Variants in PLD5 observed in about 807,000 individuals in gnomAD.
The protein encoded by PLD5 is inactive phospholipase D5.
A neutral mutation model predicts 61.1 loss-of-function variants in PLD5; 36 were observed. The ratio of observed to expected loss-of-function variants is 0.59; its 90% CI spans 0.45 to 0.78. The LOEUF (loss-of-function observed/expected upper bound fraction) is 0.78. Among genes scored for constraint, PLD5 ranks in the 30% least tolerant of loss-of-function variants. The pLI, the probability that PLD5 is intolerant of heterozygous loss-of-function variation, is 0.00. For synonymous variants in PLD5, 243 were observed against 242.8 expected (o/e 1.00, Z -0.01); for missense variants, 515 against 644.4 (o/e 0.80, Z 2.17).
chr1:242,407,418 T>C (rs1664291794), intron 1 of PLD5, among the ~76,000 whole-genome samples: 1 of 152,190 alleles, frequency 6.6e-6, no homozygotes, highest in African/African-American at 2.4e-5. Context: ...TCTATTATAG[T>C]CTATACAAAA....
intron 5 of PLD5, among the ~76,000 whole-genome samples, chr1:242,130,307 C>T (rs1320414621): frequency 6.6e-6 from 1 of 152,184 alleles, no homozygotes; most frequent in African/African-American, 2.4e-5. Context: ...CCGCCTTGGC[C>T]TCCCAAAGTG....
chr1:242,298,916 T>G (rs1326172386), intron 2 of PLD5, among the ~76,000 whole-genome samples: 1 of 152,040 alleles, frequency 6.6e-6, no homozygotes, highest in Non-Finnish European at 1.5e-5. Flanking sequence ...TGCACCTACC[T>G]GTTGATATTT....
In PLD5 at chr1:242,348,213, G is replaced by C; in HGVS notation, c.219C>G (p.Ala73=). ...HSQQKCIVIF[A]LVCCFAILVA... ...CCAGAATGGCAAAGCAGCACACCAG[G>C]GCAAAGATCACGATGCACTTCTGCT... The change falls in exon 2 of 10, where the codon GCC becomes GCG. Residue 73 remains alanine, a synonymous_variant. Transcript: ENST00000536534. 8.1e-6 allele frequency: 13 copies of C among 1,611,784 alleles called. No homozygotes were observed. Among genetic ancestry groups the C allele is most frequent in the Middle Eastern group, 1.7e-4 (1 of 6,060 alleles).
Position 242,113,989 on chromosome 1 carries a change from A to C in PLD5, c.971T>G (p.Phe324Cys). ...CACACTGTAGATGGCATCTATGTCA[A>C]AACTTCTGTTTTTAGGGCAAAAGAG... is the stretch of plus-strand genomic sequence containing the variant. ...PKLFCPKNRS[F>C]DIDAIYSVID... is the part of the protein sequence containing the mutation. The change falls in exon 7 of 10, where the codon TTT becomes TGT. Residue 324 changes from phenylalanine to cysteine, a missense_variant. Physicochemically the swap from Phe to Cys is radical, Grantham distance 205. This residue lies in a region of PLD5 where 450 missense variants were observed against 598.1 expected (regional missense o/e 0.75). Transcript: ENST00000536534. The C allele has an allele frequency of 6.2e-7, 1 of 1,614,020 alleles. No homozygotes were observed. The highest frequency in any genetic ancestry group is 8.5e-7 in the Non-Finnish European group (1 of 1,179,916).
chr1:242,209,437 G>C (rs1339530924), intron 5 of PLD5: 1 of 152,160 alleles, frequency 6.6e-6, no homozygotes, highest in African/African-American at 2.4e-5. Flanking sequence ...AAGTCTATTG[G>C]CTCCATTAGT....
intron 1 of PLD5, among the ~76,000 whole-genome samples, chr1:242,501,807 TATAC>T: frequency 6.7e-6 from 1 of 149,756 alleles, no homozygotes; most frequent in East Asian, 1.9e-4. Flanking sequence ...TATATATATA[TATAC>T]ACTACATCAT....
chr1:242,512,227 C>G lies in PLD5; in HGVS notation c.189+11861G>C, dbSNP rs532870766. On this transcript the variant is annotated intron_variant, in intron 1 of 9. Transcript: ENST00000536534. The stretch of plus-strand genomic sequence containing the variant: ...GAGATCGAGACCATCCTGGCTAACA[C>G]GGTGAAACCTCGTCTCTACTAAAAA... 3.5e-4 allele frequency among the ~76,000 whole-genome samples: 52 copies of G among 149,078 alleles called. 1 individual carries two copies. Among genetic ancestry groups the G allele is most frequent in the African/African-American group, 1.2e-3 (49 of 40,418 alleles).
At chr1:242,165,738 C>T (rs1666260116) in intron 5 of PLD5, among the ~76,000 whole-genome samples, 1 of 152,200 alleles carries the variant, frequency 6.6e-6, no homozygotes, top group Admixed American at 6.5e-5. Context: ...ATTTCCAGTG[C>T]TATACCACAC....
In PLD5 at chr1:242,107,656, C is replaced by A; in HGVS notation, c.1239+15G>T. The A allele has an allele frequency of 1.9e-6, 3 of 1,558,316 alleles. No homozygotes were observed. In the South Asian group the frequency reaches 3.7e-5, roughly 19 times the overall value. On this transcript the variant is annotated intron_variant, in intron 8 of 9. Transcript: ENST00000536534. ...TTCACTTTTTATTTAATAACACAGT[C>A]AACGTAATACTTACAACTTTCAAAC...
intron 3 of PLD5, among the ~76,000 whole-genome samples, chr1:242,277,164 C>T (rs1269316960): frequency 1.3e-5 from 2 of 152,144 alleles, no homozygotes; most frequent in Admixed American, 1.3e-4. Flanking sequence ...TCTGGAAGAG[C>T]ACAGCATCCA....
At chr1:242,090,677 C>T (rs75423894) in intron 9 of PLD5, among the ~76,000 whole-genome samples, 1,550 of 152,300 alleles carry the variant, frequency 0.01, 11 homozygotes, top group Middle Eastern at 0.068. Flanking sequence ...AACAGCCTCT[C>T]AAGTATGACT....
chr1:242,479,772 A>G (rs956983998), intron 1 of PLD5, among the ~76,000 whole-genome samples: 4 of 152,026 alleles, frequency 2.6e-5, no homozygotes, highest in African/African-American at 9.7e-5. Flanking sequence ...GGCCAGGCAC[A>G]GTGGTTTACG....
chr1:242,244,267 G>C (rs1672231478), intron 4 of PLD5, among the ~76,000 whole-genome samples: 1 of 152,162 alleles, frequency 6.6e-6, no homozygotes, highest in Non-Finnish European at 1.5e-5. Context: ...TTGCAGAGGA[G>C]CCTCACCGGC....
Position 242,477,548 on chromosome 1 carries a change from G to A in PLD5, c.189+46540C>T, listed in dbSNP as rs546063983. 4.6e-5 allele frequency among the ~76,000 whole-genome samples: 7 copies of A among 152,336 alleles called. No homozygotes were observed. The East Asian group carries it at 1.4e-3, about 29-fold the overall frequency. On this transcript the variant is annotated intron_variant, in intron 1 of 9. Coordinates refer to ENST00000536534, the MANE Select transcript of PLD5 (RefSeq NM_001372062.1). ...AGTGCACTGAGCTATACCCGCAGTT[G>A]AGGCGCAGGGGAGAGAATGGCATCC...
chr1:242,388,084 T>C (rs1662704901), intron 1 of PLD5, among the ~76,000 whole-genome samples: 2 of 152,108 alleles, frequency 1.3e-5, no homozygotes, highest in African/African-American at 2.4e-5. Context: ...GTCACAGAGG[T>C]AGAAAGCATT....
intron 5 of PLD5, among the ~76,000 whole-genome samples, chr1:242,176,737 G>A (rs1388974036): frequency 1.3e-5 from 2 of 151,954 alleles, no homozygotes; most frequent in Non-Finnish European, 2.9e-5. Context: ...AAATTTACAA[G>A]AAGAAAAACC....
rs1188098248 is a variant in PLD5, at chr1:242,379,128, A to G, written c.190-30886T>C. Among the ~76,000 whole-genome samples the G allele has an allele frequency of 2.0e-5, 3 of 152,312 alleles. No individual in the cohort carries two copies. The East Asian group carries it at 5.8e-4, about 29-fold the overall frequency. On this transcript the variant is annotated intron_variant, in intron 1 of 9. Transcript: ENST00000536534. ...AACTAGCTTAATATATCTGTCCAGC[A>G]GTGGCAGACATGGAGTAACGAGGCT...
chr1:242,377,715 G>A lies in PLD5; in HGVS notation c.190-29473C>T, dbSNP rs192427629. Among the ~76,000 whole-genome samples, 242 of 152,082 alleles carry A rather than the reference G, an allele frequency of 1.6e-3. 2 individuals carry two copies. The highest frequency in any genetic ancestry group is 5.7e-3 in the African/African-American group (236 of 41,488). On this transcript the variant is annotated intron_variant, in intron 1 of 9. Transcript: ENST00000536534. Reference sequence around the variant, plus strand: ...CAACTCAATTTAAAAATGAGCAAAGGAGTTCAATGGACATTTCTCCAAAGA... The same window carrying A: ...CAACTCAATTTAAAAATGAGCAAAGAAGTTCAATGGACATTTCTCCAAAGA...
intron 1 of PLD5, among the ~76,000 whole-genome samples, chr1:242,513,621 T>G (rs927833542): frequency 6.6e-6 from 1 of 152,202 alleles, no homozygotes; most frequent in African/African-American, 2.4e-5. Flanking sequence ...TGCTGAATCT[T>G]CCGAAGTCTG....
Sources: allele counts gnomAD v4.1 joint callset (sites outside exome capture counted in the v4.1 genomes callset), GRCh38; gene constraint gnomAD v4.1.1; regional missense constraint gnomAD v4.1.1; transcripts MANE v1.5; gene names NCBI Gene and HGNC (gene_info 2026-07-23, HGNC 2026-07-21).